Variants in CDCP1 observed in about 807,000 individuals in gnomAD.
CDCP1 encodes CUB domain containing protein 1.
CDCP1 carries 29 observed loss-of-function variants against 60.2 expected under a neutral mutation model. The observed-to-expected ratio is 0.48, with a 90% CI of 0.36 to 0.66. The LOEUF (loss-of-function observed/expected upper bound fraction) is 0.66. Among genes scored for constraint, CDCP1 ranks in the 30% least tolerant of loss-of-function variants. The probability of loss-of-function intolerance (pLI) is 0.00; values close to 1 mark genes in which losing one functional copy is unlikely to be tolerated. For synonymous variants in CDCP1, 387 were observed against 431.1 expected, an observed-to-expected ratio of 0.90 and a Z score of 1.27; for missense variants, 876 against 1,074.3, an observed-to-expected ratio of 0.82 and a Z score of 2.58.
At chr3:45,125,722 C>A (rs1698968022) in intron 1 of CDCP1, among the ~76,000 whole-genome samples, 1 of 152,158 alleles carries the variant, frequency 6.6e-6, no homozygotes, top group Non-Finnish European at 1.5e-5. Flanking sequence ...GTAAGGCAGG[C>A]AAAGCACTGA....
At position 45,089,037 on chromosome 3, in the gene CDCP1, T is replaced by C; in HGVS notation, c.2081+17A>G. 6.3e-7 allele frequency: 1 copy of C among 1,599,276 alleles called. No homozygotes were observed. The highest frequency in any genetic ancestry group is 2.2e-5 in the East Asian group (1 of 44,798). On this transcript the variant is annotated intron_variant, in intron 8 of 8. Coordinates refer to ENST00000296129, the MANE Select transcript of CDCP1 (RefSeq NM_022842.5). ...GAGGCATCAAATCAGATAAAGAGAG[T>C]AAGAGATTCCACCTACTTCTTTTTC... is the stretch of plus-strand genomic sequence containing the variant.
intron 1 of CDCP1, among the ~76,000 whole-genome samples, chr3:45,120,186 G>A (rs1427179901): frequency 3.3e-5 from 5 of 152,180 alleles, no homozygotes; most frequent in African/African-American, 9.7e-5. Context: ...TCTGCCAGCT[G>A]CCATGAGTGA....
At chr3:45,102,940 G>GCGTGAGC (rs1381615867) in intron 4 of CDCP1, among the ~76,000 whole-genome samples, 4 of 151,102 alleles carry the variant, frequency 2.6e-5, no homozygotes, top group Non-Finnish European at 4.4e-5. Flanking sequence ...GGGATTACAG[G>GCGTGAGC]CGTGAGCCAC....
At chr3:45,125,891 A>T (rs546107492) in intron 1 of CDCP1, among the ~76,000 whole-genome samples, 3 of 152,318 alleles carry the variant, frequency 2.0e-5, no homozygotes, top group African/African-American at 7.2e-5. Flanking sequence ...ATGTTGACTC[A>T]TGTGACTCCA....
intron 1 of CDCP1, among the ~76,000 whole-genome samples, chr3:45,144,112 G>T (rs971129642): frequency 6.6e-6 from 1 of 152,146 alleles, no homozygotes; most frequent in African/African-American, 2.4e-5. Context: ...TTTCACTCTT[G>T]GAAATGGGGG....
chr3:45,084,236 T>TAAA lies in CDCP1; in HGVS notation c.*1401_*1402insTTT. ...AGATCTTCTGATCTGGGTTTTTTTTTAAGTGTTAGAGTCCGCAAGCTAAAC... is the reference window on the plus strand; with the variant it reads ...AGATCTTCTGATCTGGGTTTTTTTTTAAAAAGTGTTAGAGTCCGCAAGCTAAAC... On this transcript the variant is annotated 3_prime_UTR_variant, in exon 9 of 9. Coordinates refer to ENST00000296129, the MANE Select transcript of CDCP1 (RefSeq NM_022842.5). 6.6e-6 allele frequency: 1 copy of TAAA among 152,076 alleles called. No homozygotes were observed. Among genetic ancestry groups the TAAA allele is most frequent in the East Asian group, 1.9e-4 (1 of 5,166 alleles). 9.4% of individuals were successfully genotyped at this position (152,076 alleles called of 1,614,324 possible).
chr3:45,111,240 C>T (rs780869699), intron 3 of CDCP1, among the ~76,000 whole-genome samples: 48 of 152,212 alleles, frequency 3.2e-4, no homozygotes, highest in Non-Finnish European at 6.2e-4. Flanking sequence ...GCACAGGCAA[C>T]AGTAAAATAA....
At chr3:45,143,998 G>C (rs531668940) in intron 1 of CDCP1, among the ~76,000 whole-genome samples, 3 of 152,154 alleles carry the variant, frequency 2.0e-5, no homozygotes, top group Non-Finnish European at 2.9e-5. Context: ...AGAGACAATG[G>C]TGGCAAGATT....
Position 45,123,304 on chromosome 3 carries a change from T to G in CDCP1, c.83-4683A>C, listed in dbSNP as rs1576109662. Among the ~76,000 whole-genome samples, 7 of 152,330 alleles carry G rather than the reference T, an allele frequency of 4.6e-5. 1 individual carries two copies. In the South Asian group the frequency reaches 1.4e-3, roughly 32 times the overall value. ...AACCCAGCACGTTCTACTGTCCAGC[T>G]GTAGTTTGTAACTATTCTTTGGTAT... On this transcript the variant is annotated intron_variant, in intron 1 of 8. Coordinates refer to ENST00000296129, the MANE Select transcript of CDCP1 (RefSeq NM_022842.5).
chr3:45,114,313 A>C (rs969378894), intron 2 of CDCP1, among the ~76,000 whole-genome samples: 3 of 152,204 alleles, frequency 2.0e-5, no homozygotes, highest in African/African-American at 7.2e-5. Context: ...AAACATTTTA[A>C]ATAACTAAAA....
At chr3:45,143,792 T>A (rs1466014447) in intron 1 of CDCP1, among the ~76,000 whole-genome samples, 3 of 152,128 alleles carry the variant, frequency 2.0e-5, no homozygotes, top group Admixed American at 2.0e-4. Context: ...GCCCTAGGGC[T>A]AACAGGTCTG....
rs73089355 is a variant in CDCP1, at chr3:45,125,178, A to T, written c.83-6557T>A. Among the ~76,000 whole-genome samples, 1,187 of 152,292 alleles carry T rather than the reference A, an allele frequency of 7.8e-3. 7 individuals carry two copies. Among genetic ancestry groups the T allele is most frequent in the Middle Eastern group, 0.024 (7 of 294 alleles). ...AGGAATAGCAGGTGCAAAGATGCCAAGATATGAAAATCATGGCTTCCTTGG... is the reference window on the plus strand; with the variant it reads ...AGGAATAGCAGGTGCAAAGATGCCATGATATGAAAATCATGGCTTCCTTGG... On this transcript the variant is annotated intron_variant, in intron 1 of 8. Coordinates refer to ENST00000296129, the MANE Select transcript of CDCP1 (RefSeq NM_022842.5).
In CDCP1 at chr3:45,093,703, G is replaced by A. The variant is rs770976424; in HGVS notation, c.1247-46C>T. The A allele has an allele frequency of 3.2e-6, 5 of 1,563,276 alleles. No individual in the cohort carries two copies. In the South Asian group the frequency reaches 6.0e-5, roughly 19 times the overall value. On this transcript the variant is annotated intron_variant, in intron 5 of 8. Coordinates refer to ENST00000296129, the MANE Select transcript of CDCP1 (RefSeq NM_022842.5). ...TAGCCATGCACAAAGGAGACCAGAA[G>A]TGCACCCTCCCCAGCTCTCCCGTCA...
chr3:45,126,117 T>TC (rs990650315), intron 1 of CDCP1, among the ~76,000 whole-genome samples: 68 of 112,694 alleles, frequency 6.0e-4, no homozygotes, highest in Admixed American at 3.4e-3. Context: ...TCTCTTTCTT[T>TC]CTTTCTTTCT....
intron 4 of CDCP1, among the ~76,000 whole-genome samples, chr3:45,109,251 T>C (rs1458977638): frequency 6.6e-6 from 1 of 151,836 alleles, no homozygotes; most frequent in Non-Finnish European, 1.5e-5. Flanking sequence ...GCCCGGCCCC[T>C]TGTATATATA....
chr3:45,110,913 G>A, intron 3 of CDCP1, 72 bp from the exon 4 acceptor site: 3 of 1,510,812 alleles, frequency 2.0e-6, no homozygotes, highest in Non-Finnish European at 2.7e-6. Context: ...CTGCAGCCGA[G>A]GGGTGGGGGT....
chr3:45,121,156 C>T (rs1474997625), intron 1 of CDCP1, among the ~76,000 whole-genome samples: 6 of 152,326 alleles, frequency 3.9e-5, no homozygotes, highest in African/African-American at 7.2e-5. Context: ...ATTTTACTTT[C>T]GGCTAATAAA....
At chr3:45,104,218 C>T (rs1698526663) in intron 4 of CDCP1, among the ~76,000 whole-genome samples, 1 of 152,230 alleles carries the variant, frequency 6.6e-6, no homozygotes, top group Admixed American at 6.5e-5. Flanking sequence ...TTTATTGATT[C>T]TGGGGGCAAG....
intron 4 of CDCP1, among the ~76,000 whole-genome samples, chr3:45,101,415 A>G (rs976050995): frequency 2.6e-5 from 4 of 152,162 alleles, no homozygotes; most frequent in African/African-American, 9.7e-5. Flanking sequence ...CCCTGGACCC[A>G]ACTGCCTCTC....
Sources: allele counts gnomAD v4.1 joint callset (sites outside exome capture counted in the v4.1 genomes callset), GRCh38; gene constraint gnomAD v4.1.1; transcripts MANE v1.5; gene names NCBI Gene and HGNC (gene_info 2026-07-23, HGNC 2026-07-21).